SPICE1: variants seen among roughly 807,000 people sequenced by gnomAD.
SPICE1 encodes spindle and centriole-associated protein 1.
In SPICE1, 75 loss-of-function variants were observed where a neutral mutation model predicts 102.7. That is an observed-to-expected ratio of 0.73 (90% CI 0.61 to 0.88). SPICE1 has a LOEUF of 0.88. Ranked by LOEUF, SPICE1 falls within the 40% of genes least tolerant of loss-of-function variation. The probability of loss-of-function intolerance (pLI) is 0.00; values close to 1 mark genes in which losing one functional copy is unlikely to be tolerated. For synonymous variants in SPICE1, 308 were observed against 350.3 expected (o/e 0.88, Z 1.35); for missense variants, 979 against 1,020.1 (o/e 0.96, Z 0.55).
intron 7 of SPICE1, among the ~76,000 whole-genome samples, chr3:113,480,912 T>TAAAGAAAGTAAG (rs1936479819): frequency 9.4e-6 from 1 of 106,412 alleles, no homozygotes; most frequent in South Asian, 3.0e-4. Flanking sequence ...TTTAAAAATT[T>TAAAGAAAGTAAG]AAAGAAAGAA....
At chr3:113,502,662 T>TAAAAAAAAAAA (rs35248720) in intron 3 of SPICE1, among the ~76,000 whole-genome samples, 4 of 87,284 alleles carry the variant, frequency 4.6e-5, no homozygotes, top group African/African-American at 9.2e-5. Flanking sequence ...CAATAAATCT[T>TAAAAAAAAAAA]AAAAAAAAAA....
At position 113,469,187 on chromosome 3, in the gene SPICE1, C is replaced by A. The variant is rs1936135233; in HGVS notation, c.663G>T (p.Trp221Cys). ...TTGCTATTTTCTGCTGAATGTCAGT[C>A]CACAACTTACTAATTAACTCAAAAT... ...EENFELISKLWTDIQQKIATQ... is the reference protein window; with the variant it reads ...EENFELISKLCTDIQQKIATQ... The change falls in exon 8 of 18, where the codon TGG becomes TGT. Residue 221 changes from tryptophan to cysteine, a missense_variant. Physicochemically the swap from Trp to Cys is radical, Grantham distance 215. Transcript: ENST00000295872. 2 of 1,606,762 alleles carry A rather than the reference C, an allele frequency of 1.2e-6. No homozygotes were observed. The highest frequency in any genetic ancestry group is 1.7e-6 in the Non-Finnish European group (2 of 1,176,194).
At chr3:113,474,932 C>T (rs1013948260) in intron 7 of SPICE1, among the ~76,000 whole-genome samples, 3 of 152,204 alleles carry the variant, frequency 2.0e-5, no homozygotes, top group African/African-American at 7.2e-5. Flanking sequence ...TAACTAAAAT[C>T]AGAGCAGAAC....
intron 7 of SPICE1, among the ~76,000 whole-genome samples, chr3:113,487,631 T>C (rs1936677569): frequency 6.6e-6 from 1 of 152,088 alleles, no homozygotes; most frequent in Non-Finnish European, 1.5e-5. Context: ...AAATTAAACA[T>C]TAAAGAAGAT....
intron 12 of SPICE1, among the ~76,000 whole-genome samples, chr3:113,457,683 G>C (rs754772050): frequency 6.6e-6 from 1 of 152,040 alleles, no homozygotes; most frequent in Admixed American, 6.6e-5. Flanking sequence ...TTTTCACACA[G>C]AGTCTCACTC....
intron 5 of SPICE1, 62 bp downstream of exon 5, chr3:113,493,987 C>T: frequency 8.8e-7 from 1 of 1,142,290 alleles, no homozygotes; most frequent in Non-Finnish European, 1.3e-6. Context: ...TTAAATTCTT[C>T]CAAATAGTCA....
At chr3:113,509,013 T>C (rs1411107700) in intron 1 of SPICE1, among the ~76,000 whole-genome samples, 1 of 152,178 alleles carries the variant, frequency 6.6e-6, no homozygotes, top group South Asian at 2.1e-4. Flanking sequence ...TTTGGTATCA[T>C]TGATATGATG....
At chr3:113,499,327 T>C in intron 4 of SPICE1, 112 bp downstream of exon 4, 1 of 1,160,174 alleles carries the variant, frequency 8.6e-7, no homozygotes, top group Non-Finnish European at 1.2e-6. Context: ...GATTATTGAA[T>C]AAGAATGCAG....
At chr3:113,479,177 C>T (rs1267845913) in intron 7 of SPICE1, among the ~76,000 whole-genome samples, 1 of 144,590 alleles carries the variant, frequency 6.9e-6, no homozygotes, top group East Asian at 2.1e-4. Flanking sequence ...TTCCTGTGGC[C>T]ATGTGTTCTC....
chr3:113,469,190 C>G lies in SPICE1; in HGVS notation c.660G>C (p.Leu220Phe). The change falls in exon 8 of 18, where the codon TTG (leucine) becomes TTC (phenylalanine). Residue 220 changes from leucine (L) to phenylalanine (F), a missense_variant. Coordinates refer to ENST00000295872, the MANE Select transcript of SPICE1 (RefSeq NM_144718.4). ...TEENFELISK[L>F]WTDIQQKIAT... ...CTATTTTCTGCTGAATGTCAGTCCA[C>G]AACTTACTAATTAACTCAAAATTCT... The G allele has an allele frequency of 6.2e-7, 1 of 1,605,894 alleles. No homozygotes were observed. Among genetic ancestry groups the G allele is most frequent in the Non-Finnish European group, 8.5e-7 (1 of 1,175,668 alleles).
intron 10 of SPICE1, 89 bp downstream of exon 10, chr3:113,468,050 C>A: frequency 8.0e-6 from 12 of 1,502,948 alleles, no homozygotes; most frequent in Non-Finnish European, 9.9e-6. Flanking sequence ...TTTGACTGTA[C>A]TTTATTTGGA....
At chr3:113,487,129 T>C (rs1318364668) in intron 7 of SPICE1, among the ~76,000 whole-genome samples, 2 of 152,054 alleles carry the variant, frequency 1.3e-5, no homozygotes. Context: ...CTTTTAGAAA[T>C]CTGCAAACAA....
At chr3:113,464,713 T>A (rs1395272289) in intron 11 of SPICE1, among the ~76,000 whole-genome samples, 1 of 152,182 alleles carries the variant, frequency 6.6e-6, no homozygotes, top group East Asian at 1.9e-4. Flanking sequence ...TAAAATAGAC[T>A]GTGTACACTC....
At chr3:113,491,624 C>CAA (rs869171154) in intron 6 of SPICE1, among the ~76,000 whole-genome samples, 690 of 37,312 alleles carry the variant, frequency 0.018, 43 homozygotes, top group African/African-American at 0.045. Flanking sequence ...GACTCCGTCT[C>CAA]AAAAAAAAAA....
chr3:113,482,980 A>C (rs1431437926), intron 7 of SPICE1, among the ~76,000 whole-genome samples: 1 of 152,170 alleles, frequency 6.6e-6, no homozygotes, highest in Non-Finnish European at 1.5e-5. Flanking sequence ...CATTGAATCT[A>C]TAAATTACTT....
rs762566835 is a variant in SPICE1 at position 113,448,180 on chromosome 3, A to T, written c.2324-40T>A. 4.7e-6 allele frequency: 7 copies of T among 1,500,176 alleles called. No individual in the cohort carries two copies. In the South Asian group the frequency reaches 9.1e-5, roughly 20 times the overall value. The allele number at this position is 1,500,176 out of a possible 1,614,324, so 92.9% of individuals were successfully genotyped here. On this transcript the variant is annotated intron_variant, in intron 15 of 17. Coordinates refer to ENST00000295872, the MANE Select transcript of SPICE1 (RefSeq NM_144718.4). Reference sequence around the variant, plus strand: ...TAAATATTAGTTCCATTACCTTTCAATGAAATAAAAATTTCACTCAATTTC... The same window carrying T: ...TAAATATTAGTTCCATTACCTTTCATTGAAATAAAAATTTCACTCAATTTC...
intron 11 of SPICE1, among the ~76,000 whole-genome samples, chr3:113,463,682 G>C (rs1559961054): frequency 6.6e-6 from 1 of 152,196 alleles, no homozygotes; most frequent in African/African-American, 2.4e-5. Flanking sequence ...CCATTTCTAT[G>C]TAATATCTAT....
chr3:113,482,813 T>C (rs907480424), intron 7 of SPICE1, among the ~76,000 whole-genome samples: 5 of 152,198 alleles, frequency 3.3e-5, no homozygotes, highest in Non-Finnish European at 7.3e-5. Context: ...TGCAGCCTTG[T>C]AGTATAGTTT....
At position 113,493,311 on chromosome 3, in the gene SPICE1, C is replaced by A; in HGVS notation, c.387G>T (p.Gly129=). 1 of 1,613,032 alleles carries A rather than the reference C, an allele frequency of 6.2e-7. No homozygotes were observed. Among genetic ancestry groups the A allele is most frequent in the Non-Finnish European group, 8.5e-7 (1 of 1,179,146 alleles). Residue 129 remains glycine (G), a splice_region_variant and synonymous_variant, in exon 6 of 18, where the codon GGG becomes GGT. Transcript: ENST00000295872. ...CAGGAGCCACTGTTACATTTGGAAA[C>A]CCTGCAAAAGGAAAAGAAGTTGTGA... The part of the protein sequence containing the change: ...AKELFPRRRT[G]FPNVTVAPDS...
Sources: gnomAD v4.1 joint callset for allele counts (sites outside exome capture counted in the v4.1 genomes callset) on GRCh38, gnomAD v4.1.1 for gene constraint, MANE v1.5 for transcripts, NCBI Gene and HGNC (gene_info 2026-07-23, HGNC 2026-07-21) for gene names.